The following ZNF91 variants were observed in gnomAD, a reference collection of about 807,000 sequenced individuals.
ZNF91 encodes the protein zinc finger protein 91 (HPF7, HTF10).
ZNF91 carries 7 observed loss-of-function variants against 12.6 expected under a neutral mutation model. That is an observed-to-expected ratio of 0.55 (90% CI 0.31 to 1.04). The LOEUF is 1.04. ZNF91 is among the 50% of genes least tolerant of loss of function. The pLI, the probability that ZNF91 is intolerant of heterozygous loss-of-function variation, is 0.05. For synonymous variants in ZNF91, 453 were observed against 462.6 expected (o/e 0.98, Z 0.27); for missense variants, 1,217 against 1,385.4 (o/e 0.88, Z 1.93).
At chr19:23,391,179 T>G (rs1446997008) in intron 1 of ZNF91, among the ~76,000 whole-genome samples, 4 of 152,364 alleles carry the variant, frequency 2.6e-5, no homozygotes, top group Non-Finnish European at 5.9e-5. Context: ...TTTTTTGCTC[T>G]CTTTTCTTAC....
rs150562421 is a variant in ZNF91, at chr19:23,371,971, C to T, written c.253+1771G>A. On this transcript the variant is annotated intron_variant, in intron 3 of 3. Coordinates refer to ENST00000300619, the MANE Select transcript of ZNF91 (RefSeq NM_003430.4). The stretch of plus-strand genomic sequence containing the variant: ...ATTGCTAAATTATGTATATATTTAG[C>T]AAAATATGGTTAGAGCTTCATGTAT... 9.0e-4 allele frequency among the ~76,000 whole-genome samples: 137 copies of T among 152,102 alleles called. No homozygotes were observed. In the East Asian group the frequency reaches 0.023, roughly 25 times the overall value.
In ZNF91 at chr19:23,378,711, G is replaced by A. The variant is rs536051889; in HGVS notation, c.31-3947C>T. Reference sequence around the variant, plus strand: ...CAAGTCACAAAAATATAAAGAAAACGGCCCAAATAAAGCCCATATTTTTGC... The same window carrying A: ...CAAGTCACAAAAATATAAAGAAAACAGCCCAAATAAAGCCCATATTTTTGC... On this transcript the variant is annotated intron_variant, in intron 1 of 3. Coordinates refer to ENST00000300619, the MANE Select transcript of ZNF91 (RefSeq NM_003430.4). Among the ~76,000 whole-genome samples the A allele has an allele frequency of 6.4e-4, 97 of 151,960 alleles. 1 individual carries two copies. The highest frequency in any genetic ancestry group is 1.1e-3 in the Non-Finnish European group (77 of 67,948).
chr19:23,339,702 G>A (rs1278539677), intron 3 of ZNF91: 3 of 152,164 alleles, frequency 2.0e-5, no homozygotes, highest in African/African-American at 7.2e-5. Flanking sequence ...CACTTTGGGA[G>A]GCTGAGACAG....
intron 1 of ZNF91, chr19:23,324,379 T>G (rs1967796787): frequency 6.6e-6 from 1 of 152,022 alleles, no homozygotes; most frequent in Non-Finnish European, 1.5e-5. Context: ...CTCCTTCTCT[T>G]ACTGTGCCAC....
At chr19:23,357,448 T>C (rs1466220480), downstream of ZNF91, among the ~76,000 whole-genome samples, 4 of 152,206 alleles carry the variant, frequency 2.6e-5, no homozygotes, top group Non-Finnish European at 4.4e-5. Context: ...TTTTGTTTTG[T>C]AGTAAATTAG....
At chr19:23,335,366 G>GTTT (rs1568371667), downstream of ZNF91, among the ~76,000 whole-genome samples, 1 of 152,208 alleles carries the variant, frequency 6.6e-6, no homozygotes. Context: ...AGACAGGGAT[G>GTTT]TTTAAGTCTG....
At chr19:23,334,870 A>G (rs1967977941), downstream of ZNF91, among the ~76,000 whole-genome samples, 1 of 152,254 alleles carries the variant, frequency 6.6e-6, no homozygotes, top group Non-Finnish European at 1.5e-5. Context: ...AAAGTAGTAC[A>G]CTAAACATAT....
chr19:23,379,775 GCA>G (rs1969631360), intron 1 of ZNF91, among the ~76,000 whole-genome samples: 1 of 152,308 alleles, frequency 6.6e-6, no homozygotes, highest in South Asian at 2.1e-4. Context: ...GCATTTTAAA[GCA>G]CTGGCTCTCT....
At chr19:23,376,250 G>A (rs73926136) in intron 1 of ZNF91, among the ~76,000 whole-genome samples, 1,737 of 152,186 alleles carry the variant, frequency 0.011, 37 homozygotes, top group African/African-American at 0.039. Flanking sequence ...GCCACAAAGA[G>A]AACATTTTTA....
chr19:23,317,575 T>G (rs1390564762), intron 1 of ZNF91, among the ~76,000 whole-genome samples: 2 of 152,214 alleles, frequency 1.3e-5, no homozygotes, highest in African/African-American at 2.4e-5. Context: ...TTTTGACTCT[T>G]GTATGCACAT....
At chr19:23,386,112 A>G (rs1346392504) in intron 1 of ZNF91, among the ~76,000 whole-genome samples, 2 of 152,188 alleles carry the variant, frequency 1.3e-5, no homozygotes, top group Non-Finnish European at 2.9e-5. Flanking sequence ...CTAACCAGGA[A>G]GGTGAAAGAT....
At chr19:23,390,737 A>AT (rs200137310) in intron 1 of ZNF91, among the ~76,000 whole-genome samples, 4 of 150,300 alleles carry the variant, frequency 2.7e-5, no homozygotes, top group African/African-American at 7.4e-5. Flanking sequence ...TTCTTATTGT[A>AT]TTTTTTTTTA....
At position 23,361,926 on chromosome 19, in the gene ZNF91, T is replaced by A. The variant is rs763574074; in HGVS notation, c.1053A>T (p.Lys351Asn). 76 of 1,613,188 alleles carry A rather than the reference T, an allele frequency of 4.7e-5. No individual in the cohort carries two copies. Among genetic ancestry groups the A allele is most frequent in the Non-Finnish European group, 6.3e-5 (74 of 1,179,680 alleles). ...TAAAAGCTTTGCCACATTCTTTACATTTGTAGGGTTTCTCTCCAGTATGAA... is the reference window on the plus strand; with the variant it reads ...TAAAAGCTTTGCCACATTCTTTACAATTGTAGGGTTTCTCTCCAGTATGAA... ...KRIHTGEKPY[K>N]CKECGKAFSN... is the part of the protein sequence containing the mutation. Residue 351 changes from lysine (K) to asparagine (N), a missense_variant, in exon 4 of 4, where the codon AAA becomes AAT. Physicochemically the swap from Lys to Asn is moderately conservative, Grantham distance 94 (BLOSUM62 0). Transcript: ENST00000300619.
At chr19:23,306,341 T>C (rs73924558) in intron 3 of ZNF91, among the ~76,000 whole-genome samples, 14,036 of 152,262 alleles carry the variant, frequency 0.092, 876 homozygotes, top group African/African-American at 0.17. Flanking sequence ...AGAACCTTCA[T>C]GATTTGACAC....
At chr19:23,378,591 A>AT (rs1229073512) in intron 1 of ZNF91, among the ~76,000 whole-genome samples, 1 of 152,194 alleles carries the variant, frequency 6.6e-6, no homozygotes, top group African/African-American at 2.4e-5. Flanking sequence ...TTCTAGAATA[A>AT]TTTTTTAGAT....
intron 1 of ZNF91, among the ~76,000 whole-genome samples, chr19:23,315,730 CTCTT>C (rs1423000985): frequency 6.6e-6 from 1 of 152,174 alleles, no homozygotes; most frequent in Non-Finnish European, 1.5e-5. Context: ...TATGAGGCCT[CTCTT>C]TTTTTCTAGC....
At chr19:23,390,549 G>A (rs1013422764) in intron 1 of ZNF91, among the ~76,000 whole-genome samples, 22 of 152,196 alleles carry the variant, frequency 1.4e-4, no homozygotes, top group African/African-American at 5.1e-4. Flanking sequence ...GTAGAGACGG[G>A]GTTTCACCAT....
chr19:23,380,266 C>CAAAAAAAAAAAAAAAAAAAAA (rs199502898), intron 1 of ZNF91: 2 of 52,728 alleles, frequency 3.8e-5, no homozygotes, highest in African/African-American at 1.1e-4. Context: ...AAATCCGTCT[C>CAAAAAAAAAAAAAAAAAAAAA]AAAAAAAAAA....
upstream of ZNF91, among the ~76,000 whole-genome samples, chr19:23,314,308 A>G (rs295354): frequency 0.012 from 1,811 of 152,232 alleles, 153 homozygotes; most frequent in East Asian, 0.23. Flanking sequence ...ATTGTGACAC[A>G]TCTCTGGGCC....
Sources: allele counts gnomAD v4.1 joint callset (sites outside exome capture counted in the v4.1 genomes callset), GRCh38; gene constraint gnomAD v4.1.1; transcripts MANE v1.5; gene names NCBI Gene and HGNC (gene_info 2026-07-23, HGNC 2026-07-21).